The following PCDH7 variants were observed in gnomAD, a reference collection of about 807,000 sequenced individuals.
PCDH7 encodes the protein protocadherin-7.
Under a neutral mutation model 58.9 loss-of-function variants are expected in PCDH7, and 17 were observed. That is an observed-to-expected ratio of 0.29 (90% confidence interval 0.20 to 0.43). PCDH7 has a LOEUF of 0.43. Among genes scored for constraint, PCDH7 ranks in the 20% least tolerant of loss-of-function variants. The probability of loss-of-function intolerance (pLI) is 1.00; values close to 1 mark genes in which losing one functional copy is unlikely to be tolerated. For missense variants in PCDH7, 1,274 were observed against 1,441.0 expected (o/e 0.88, Z 1.88); for synonymous variants, 664 against 616.4 (o/e 1.08, Z -1.14).
intron 3 of PCDH7, among the ~76,000 whole-genome samples, chr4:31,125,174 T>G (rs538874841): frequency 3.3e-5 from 5 of 152,128 alleles, no homozygotes; most frequent in Non-Finnish European, 7.4e-5. Flanking sequence ...AAATTTTCCA[T>G]CTCATTCAAG....
At chr4:31,012,627 T>A (rs1753282033) in intron 3 of PCDH7, among the ~76,000 whole-genome samples, 1 of 150,632 alleles carries the variant, frequency 6.6e-6, no homozygotes, top group South Asian at 2.2e-4. Flanking sequence ...CTTGCATTAA[T>A]CTTGCCAGAA....
intron 2 of PCDH7, among the ~76,000 whole-genome samples, chr4:30,932,020 A>G (rs911817353): frequency 7.9e-5 from 12 of 152,180 alleles, no homozygotes; most frequent in Non-Finnish European, 1.5e-5. Context: ...TTAAAAGAAT[A>G]TGTGACTAAC....
chr4:30,789,882 C>T (rs1468776913), intron 1 of PCDH7, among the ~76,000 whole-genome samples: 4 of 152,168 alleles, frequency 2.6e-5, no homozygotes, highest in Non-Finnish European at 4.4e-5. Flanking sequence ...AAACCTTCTA[C>T]CCTTTCCTCT....
At chr4:30,932,477 A>C (rs1744766384) in intron 2 of PCDH7, among the ~76,000 whole-genome samples, 1 of 152,232 alleles carries the variant, frequency 6.6e-6, no homozygotes, top group African/African-American at 2.4e-5. Context: ...GTTATGTATA[A>C]GCACTATATC....
At chr4:31,021,919 C>T (rs1200215919) in intron 3 of PCDH7, among the ~76,000 whole-genome samples, 1 of 152,028 alleles carries the variant, frequency 6.6e-6, no homozygotes, top group African/African-American at 2.4e-5. Flanking sequence ...AAAACAGCAA[C>T]GTTCATCTTT....
chr4:30,839,636 A>C (rs1434870631), intron 1 of PCDH7, among the ~76,000 whole-genome samples: 1 of 152,124 alleles, frequency 6.6e-6, no homozygotes, highest in Admixed American at 6.6e-5. Flanking sequence ...TTTCAGCTTC[A>C]CTGTCTGATT....
chr4:30,854,776 A>G (rs1347545322), intron 1 of PCDH7, among the ~76,000 whole-genome samples: 3 of 152,090 alleles, frequency 2.0e-5, no homozygotes, highest in Non-Finnish European at 2.9e-5. Flanking sequence ...TATTAGTTTG[A>G]AGGACTTGGA....
chr4:30,879,036 T>A (rs1341972527), intron 1 of PCDH7, among the ~76,000 whole-genome samples: 1 of 152,042 alleles, frequency 6.6e-6, no homozygotes, highest in African/African-American at 2.4e-5. Context: ...TTAAAATATA[T>A]ATGTGAAATA....
chr4:31,008,336 A>C (rs1752938926), intron 3 of PCDH7, among the ~76,000 whole-genome samples: 1 of 152,194 alleles, frequency 6.6e-6, no homozygotes, highest in Non-Finnish European at 1.5e-5. Flanking sequence ...TATTTAAGTG[A>C]TTAACTTAAG....
At chr4:30,902,091 C>T (rs921169052) in intron 1 of PCDH7, among the ~76,000 whole-genome samples, 8 of 152,124 alleles carry the variant, frequency 5.3e-5, no homozygotes, top group South Asian at 2.1e-4. Context: ...CTGTGACAAA[C>T]GATAAGTATT....
At position 30,772,018 on chromosome 4, in the gene PCDH7, C is replaced by T. The variant is rs538880531; in HGVS notation, c.70+47422C>T. 5.3e-5 allele frequency among the ~76,000 whole-genome samples: 8 copies of T among 152,132 alleles called. No homozygotes were observed. In the East Asian group the frequency reaches 1.6e-3, roughly 30 times the overall value. ...CTTGAGTAGCTACAATCACAGATGC[C>T]TGCCACCACGCCGGGTAATTTTTGT... On this transcript the variant is annotated intron_variant, in intron 1 of 3. Coordinates refer to the PCDH7 transcript ENST00000509759.
chr4:31,045,066 C>T (rs1756174037), intron 3 of PCDH7, among the ~76,000 whole-genome samples: 2 of 151,872 alleles, frequency 1.3e-5, no homozygotes, highest in South Asian at 4.2e-4. Flanking sequence ...AGGAAGTAAG[C>T]CAGCATATTA....
intron 1 of PCDH7, among the ~76,000 whole-genome samples, chr4:30,760,386 G>C (rs1263758130): frequency 6.6e-6 from 1 of 152,138 alleles, no homozygotes; most frequent in African/African-American, 2.4e-5. Context: ...ATTCCAATAG[G>C]AAGAGAGGGA....
chr4:31,145,794 T>A (rs1720634240), downstream of PCDH7: 1 of 152,074 alleles, frequency 6.6e-6, no homozygotes, highest in South Asian at 2.1e-4. Flanking sequence ...AGAGATACTA[T>A]CAGGAGTGAA....
intron 3 of PCDH7, among the ~76,000 whole-genome samples, chr4:31,083,223 AC>A (rs1711842667): frequency 6.6e-6 from 1 of 152,142 alleles, no homozygotes; most frequent in Non-Finnish European, 1.5e-5. Context: ...CATCCACATC[AC>A]AAAACCCCTT....
At chr4:30,820,458 A>G (rs1230526383) in intron 1 of PCDH7, among the ~76,000 whole-genome samples, 1 of 152,170 alleles carries the variant, frequency 6.6e-6, no homozygotes, top group Non-Finnish European at 1.5e-5. Flanking sequence ...TGCGTATTTG[A>G]CTACTTCTTG....
intron 2 of PCDH7, among the ~76,000 whole-genome samples, chr4:30,922,948 A>G (rs1246732656): frequency 1.3e-5 from 2 of 152,204 alleles, no homozygotes; most frequent in Non-Finnish European, 2.9e-5. Flanking sequence ...TGGTAATTTC[A>G]TCTTCAGTAT....
At chr4:31,094,413 T>G (rs769306137) in intron 3 of PCDH7, among the ~76,000 whole-genome samples, 11 of 151,848 alleles carry the variant, frequency 7.2e-5, no homozygotes, top group Non-Finnish European at 1.3e-4. Context: ...TTATAACAAA[T>G]CCGTGAAAGG....
intron 1 of PCDH7, among the ~76,000 whole-genome samples, chr4:30,782,334 C>A (rs1003050651): frequency 1.3e-5 from 2 of 152,036 alleles, no homozygotes; most frequent in African/African-American, 4.8e-5. Flanking sequence ...GTAAGGGGAA[C>A]CTATTTGATT....
Sources: gnomAD v4.1 joint callset for allele counts (sites outside exome capture counted in the v4.1 genomes callset) on GRCh38, gnomAD v4.1.1 for gene constraint, MANE v1.5 for transcripts, NCBI Gene and HGNC (gene_info 2026-07-23, HGNC 2026-07-21) for gene names.